The following PKD1L1 variants were observed in gnomAD, a reference collection of about 807,000 sequenced individuals.
PKD1L1 encodes the protein polycystin-1-like protein 1.
A neutral mutation model predicts 323.4 loss-of-function variants in PKD1L1; 236 were observed. The observed-to-expected ratio is 0.73, with a 90% CI of 0.66 to 0.81. The LOEUF (loss-of-function observed/expected upper bound fraction) is 0.81, where lower values mean the gene tolerates loss of function less well. Among genes scored for constraint, PKD1L1 ranks in the 40% least tolerant of loss-of-function variants. PKD1L1 has a pLI of 0.00. For missense variants in PKD1L1, 3,320 were observed against 3,508.0 expected (o/e 0.95, Z 1.35); for synonymous variants, 1,344 against 1,335.0 (o/e 1.01, Z -0.15).
Position 47,809,527 on chromosome 7 carries a change from A to G in PKD1L1, c.7632T>C (p.Arg2544=), listed in dbSNP as rs371555785. ...AGCTGAGGACGCCCTTGTCCATCAT[A>G]CGGTAGAGTTGAACACAGAGGTGGA... ...SLIHLCVQLY[R]MMDKGVLSYW... Residue 2544 remains arginine (R), a synonymous_variant, in exon 51 of 57, where the codon CGT becomes CGC. Coordinates refer to ENST00000289672, the MANE Select transcript of PKD1L1 (RefSeq NM_138295.5). 4 of 1,609,728 alleles carry G rather than the reference A, an allele frequency of 2.5e-6. No individual in the cohort carries two copies. Among genetic ancestry groups the G allele is most frequent in the Admixed American group, 1.7e-5 (1 of 59,366 alleles).
At position 47,843,006 on chromosome 7, in the gene PKD1L1, C is replaced by T. The variant is rs375771037; in HGVS notation, c.5401G>A (p.Val1801Ile). The stretch of plus-strand genomic sequence containing the variant: ...GGAGCTCGGAAGCCAGTGTCAATGA[C>T]GACCGCATATAGCTGATGGCCCGGC... ...SLPGHQLYAVVIDTGFRAPAR... is the reference protein window; with the variant it reads ...SLPGHQLYAVIIDTGFRAPAR... Residue 1801 changes from valine (V) to isoleucine (I), a missense_variant, in exon 34 of 57, where the codon GTC (valine) becomes ATC (isoleucine). By Grantham distance (29) the Val-to-Ile change is conservative (BLOSUM62 3). Transcript: ENST00000289672. 77 of 1,613,690 alleles carry T rather than the reference C, an allele frequency of 4.8e-5. No individual in the cohort carries two copies. Among genetic ancestry groups the T allele is most frequent in the Non-Finnish European group, 5.5e-5 (65 of 1,179,862 alleles).
chr7:47,801,144 C>T (rs1230398865), intron 53 of PKD1L1, among the ~76,000 whole-genome samples: 1 of 152,118 alleles, frequency 6.6e-6, no homozygotes, highest in Non-Finnish European at 1.5e-5. Context: ...TGCCAGTGCC[C>T]TCTCCTCTCC....
intron 46 of PKD1L1, 124 bp from the exon 47 acceptor site, chr7:47,815,581 T>A: frequency 8.8e-7 from 1 of 1,141,194 alleles, no homozygotes; most frequent in Non-Finnish European, 1.2e-6. Context: ...CTGCAGGAAT[T>A]AAACTCAAGC....
chr7:47,859,304 C>T (rs1785973938), intron 26 of PKD1L1, among the ~76,000 whole-genome samples: 1 of 152,190 alleles, frequency 6.6e-6, no homozygotes, highest in African/African-American at 2.4e-5. Context: ...TCCCCATTAC[C>T]TATGTGCATT....
intron 52 of PKD1L1, among the ~76,000 whole-genome samples, chr7:47,807,493 C>T (rs1180424772): frequency 1.3e-5 from 2 of 152,114 alleles, no homozygotes; most frequent in African/African-American, 4.8e-5. Context: ...CTGGGGGTGG[C>T]CCTGGGGCCC....
chr7:47,874,318 A>G (rs1192271920), intron 23 of PKD1L1, among the ~76,000 whole-genome samples: 1 of 152,166 alleles, frequency 6.6e-6, no homozygotes, highest in East Asian at 1.9e-4. Context: ...GGACCCAGGA[A>G]TTCCTTCATG....
chr7:47,949,425 G>C (rs147688548), upstream of PKD1L1, among the ~76,000 whole-genome samples: 410 of 143,154 alleles, frequency 2.9e-3, 3 homozygotes, highest in African/African-American at 9.7e-3. Context: ...TGGGGAACAG[G>C]ATACCTTCCA....
chr7:47,814,391 A>T (rs1349946457), intron 47 of PKD1L1, among the ~76,000 whole-genome samples: 1 of 152,192 alleles, frequency 6.6e-6, no homozygotes, highest in Admixed American at 6.5e-5. Context: ...TCTCTTTTTT[A>T]AATTTAAAGA....
intron 17 of PKD1L1, among the ~76,000 whole-genome samples, chr7:47,886,350 CA>C (rs1786685082): frequency 6.6e-6 from 1 of 152,102 alleles, no homozygotes; most frequent in Non-Finnish European, 1.5e-5. Flanking sequence ...TATGCACTCC[CA>C]GGCATGACTT....
At chr7:47,921,238 CA>C (rs139205889) in intron 7 of PKD1L1, among the ~76,000 whole-genome samples, 858 of 79,580 alleles carry the variant, frequency 0.011, no homozygotes, top group Middle Eastern at 0.02. Context: ...AGACAATTCT[CA>C]AAAAAAAAAA....
chr7:47,852,377 A>T lies in PKD1L1; in HGVS notation c.4960+750T>A, dbSNP rs149436408. Among the ~76,000 whole-genome samples the T allele has an allele frequency of 2.7e-3, 418 of 152,318 alleles. 6 individuals are homozygous for T. Among genetic ancestry groups the T allele is most frequent in the African/African-American group, 9.7e-3 (404 of 41,590 alleles). On this transcript the variant is annotated intron_variant, in intron 31 of 56. Coordinates refer to ENST00000289672, the MANE Select transcript of PKD1L1 (RefSeq NM_138295.5). ...AGAATTTGAATTTGATGAGCAATAC[A>T]GTTTGATTCATTTTTAAAAGAAACA...
Position 47,885,823 on chromosome 7 carries a change from C to T in PKD1L1, c.3068G>A (p.Gly1023Glu). Residue 1023 changes from glycine (G) to glutamate (E), a missense_variant, in exon 18 of 57, where the codon GGG becomes GAG. Coordinates refer to ENST00000289672, the MANE Select transcript of PKD1L1 (RefSeq NM_138295.5). ...AGCCTCCCCCAGGACTGCAGAGTCC[C>T]CCGCAGGAGGAATCCAGTAGACTCC... The part of the protein sequence containing the change: ...MTGVYWIPPA[G>E]DSAVLGEAPE... 6.2e-7 allele frequency: 1 copy of T among 1,614,184 alleles called. No individual in the cohort carries two copies. Among genetic ancestry groups the T allele is most frequent in the South Asian group, 1.1e-5 (1 of 91,088 alleles).
In PKD1L1 at chr7:47,792,696, G is replaced by A. The variant is rs1213657436; in HGVS notation, c.8457C>T (p.Ser2819=). 6.2e-7 allele frequency: 1 copy of A among 1,614,020 alleles called. No individual in the cohort carries two copies. Among genetic ancestry groups the A allele is most frequent in the Non-Finnish European group, 8.5e-7 (1 of 1,179,938 alleles). ...SLQLPLLEKT[S]NNTGEARTEE... Reference sequence around the variant, plus strand: ...CTGTCCTTGCCTCCCCTGTGTTGTTGGATGTTTTTTCCAGAAGGGGGAGTT... The same window carrying A: ...CTGTCCTTGCCTCCCCTGTGTTGTTAGATGTTTTTTCCAGAAGGGGGAGTT... Residue 2819 remains serine (S), a synonymous_variant, in exon 56 of 57, where the codon TCC becomes TCT. Coordinates refer to ENST00000289672, the MANE Select transcript of PKD1L1 (RefSeq NM_138295.5).
intron 6 of PKD1L1, among the ~76,000 whole-genome samples, chr7:47,930,692 G>A (rs1787751048): frequency 6.6e-6 from 1 of 151,980 alleles, no homozygotes. Context: ...GCGCATGCCT[G>A]TAGTCCCAGC....
rs575366811 is a variant in PKD1L1, at chr7:47,852,491, C to A, written c.4960+636G>T. On this transcript the variant is annotated intron_variant, in intron 31 of 56. Transcript: ENST00000289672. ...GCACTCACTGACAGTCAGAAGCCAG[C>A]TCCTCTCCAGGGCCAGGGCCTGTGG... Among the ~76,000 whole-genome samples the A allele has an allele frequency of 9.2e-5, 14 of 152,288 alleles. 1 individual carries two copies. The South Asian group carries it at 2.7e-3, about 29-fold the overall frequency.
intron 56 of PKD1L1, among the ~76,000 whole-genome samples, chr7:47,784,222 A>T (rs1169916619): frequency 1.3e-5 from 2 of 152,232 alleles, no homozygotes; most frequent in Admixed American, 6.5e-5. Context: ...AATTCATTTC[A>T]GAAGGCTGTC....
At chr7:47,949,260 T>A (rs1183321766), upstream of PKD1L1, among the ~76,000 whole-genome samples, 5 of 148,660 alleles carry the variant, frequency 3.4e-5, no homozygotes, top group East Asian at 1.0e-3. Flanking sequence ...TCCCAGCTAC[T>A]CGGGAGGCTG....
In PKD1L1 at chr7:47,853,226, A is replaced by G. The variant is rs757064808; in HGVS notation, c.4861T>C (p.Phe1621Leu). 5.6e-6 allele frequency: 9 copies of G among 1,598,244 alleles called. No individual in the cohort carries two copies. The Admixed American group carries it at 1.2e-4, about 21-fold the overall frequency. ...TCAGAGGGAGTAGGTTTCTCAGAGA[A>G]TCTAGGAGATAAAAACAAAATAGGG... ...RAFPVMLLVR[F>L]SEKPTPSDFL... is the part of the protein sequence containing the mutation. Residue 1621 changes from phenylalanine to leucine, a missense_variant and splice_region_variant, in exon 31 of 57, where the codon TTC becomes CTC. Phe to Leu is a conservative substitution (Grantham distance 22, BLOSUM62 0). Coordinates refer to ENST00000289672, the MANE Select transcript of PKD1L1 (RefSeq NM_138295.5).
intron 46 of PKD1L1, among the ~76,000 whole-genome samples, chr7:47,819,336 G>A (rs1216004324): frequency 3.3e-5 from 5 of 152,162 alleles, no homozygotes; most frequent in Non-Finnish European, 5.9e-5. Context: ...TCTCAGCTGC[G>A]ATATTTCTGA....
Sources: gnomAD v4.1 joint callset for allele counts (sites outside exome capture counted in the v4.1 genomes callset) on GRCh38, gnomAD v4.1.1 for gene constraint, MANE v1.5 for transcripts, NCBI Gene and HGNC (gene_info 2026-07-23, HGNC 2026-07-21) for gene names.